Variants in LAP3 observed in about 807,000 individuals in gnomAD.
LAP3 encodes the protein cytosol aminopeptidase.
In LAP3, 46 loss-of-function variants were observed where a neutral mutation model predicts 58.8. The observed-to-expected ratio is 0.78, with a 90% CI of 0.62 to 1.00. The LOEUF (loss-of-function observed/expected upper bound fraction) is 1.00, where lower values mean the gene tolerates loss of function less well. Among genes scored for constraint, LAP3 ranks in the 50% least tolerant of loss-of-function variants. LAP3 has a pLI of 0.00. For missense variants in LAP3, 615 were observed against 659.1 expected (o/e 0.93, Z 0.73); for synonymous variants, 257 against 237.7 (o/e 1.08, Z -0.75).
At position 17,604,461 on chromosome 4, in the gene LAP3, A is replaced by G; in HGVS notation, c.1181-127A>G. The G allele has an allele frequency of 4.5e-6, 3 of 659,772 alleles. No homozygotes were observed. The South Asian group carries it at 5.7e-5, about 13-fold the overall frequency. The allele number at this position is 659,772 out of a possible 1,614,324, so 40.9% of individuals were successfully genotyped here. On this transcript the variant is annotated intron_variant, in intron 10 of 12. Coordinates refer to ENST00000226299, the MANE Select transcript of LAP3 (RefSeq NM_015907.3). Reference sequence around the variant, plus strand: ...AAGTATGTACAGGAAAGATTTCCTAAGCTTATCTATTTTTGAAAATGAGGA... The same window carrying G: ...AAGTATGTACAGGAAAGATTTCCTAGGCTTATCTATTTTTGAAAATGAGGA...
At chr4:17,588,489 G>T (rs1451485626) in intron 6 of LAP3, among the ~76,000 whole-genome samples, 2 of 152,174 alleles carry the variant, frequency 1.3e-5, no homozygotes, top group African/African-American at 4.8e-5. Context: ...TATCTGAGTA[G>T]ATTGGAGAGA....
intron 1 of LAP3, among the ~76,000 whole-genome samples, chr4:17,578,520 C>T (rs2109016694): frequency 7.2e-6 from 1 of 139,714 alleles, no homozygotes; most frequent in South Asian, 2.3e-4. Context: ...GGCGGGAAGA[C>T]ATCTGGATTC....
Position 17,607,593 on chromosome 4 carries a change from A to G in LAP3, c.*4A>G. 2 of 1,597,474 alleles carry G rather than the reference A, an allele frequency of 1.3e-6. No individual in the cohort carries two copies. Among genetic ancestry groups the G allele is most frequent in the Non-Finnish European group, 1.7e-6 (2 of 1,172,722 alleles). Reference sequence around the variant, plus strand: ...TTTCAGTCAAGACAATGCTTAGTTCAGATACTCAAAAATGTCTTCACTCTG... The same window carrying G: ...TTTCAGTCAAGACAATGCTTAGTTCGGATACTCAAAAATGTCTTCACTCTG... On this transcript the variant is annotated 3_prime_UTR_variant, in exon 13 of 13. Coordinates refer to ENST00000226299, the MANE Select transcript of LAP3 (RefSeq NM_015907.3).
chr4:17,594,303 G>T (rs936070698), intron 7 of LAP3, among the ~76,000 whole-genome samples: 6 of 152,174 alleles, frequency 3.9e-5, no homozygotes, highest in Admixed American at 3.3e-4. Flanking sequence ...TGTCCATGGG[G>T]TTTACCCATG....
chr4:17,596,216 A>G (rs1713825917), intron 8 of LAP3, among the ~76,000 whole-genome samples: 1 of 152,196 alleles, frequency 6.6e-6, no homozygotes. Context: ...GTCCTCTAAG[A>G]AAAAGGACAT....
At position 17,577,292 on chromosome 4, in the gene LAP3, A is replaced by G; in HGVS notation, c.-174A>G. ...AACCGCGGTTTGATCCCAGCGGTCC[A>G]GTCGGCCGGTGCTGCCCATCCGTCC... is the stretch of plus-strand genomic sequence containing the variant. On this transcript the variant is annotated 5_prime_UTR_variant, in exon 1 of 13. Coordinates refer to ENST00000226299, the MANE Select transcript of LAP3 (RefSeq NM_015907.3). The G allele has an allele frequency of 7.4e-6, 1 of 135,558 alleles. No homozygotes were observed. The highest frequency in any genetic ancestry group is 1.3e-5 in the Non-Finnish European group (1 of 78,350). The allele number at this position is 135,558 out of a possible 1,614,324, so 8.4% of individuals were successfully genotyped here.
intron 8 of LAP3, among the ~76,000 whole-genome samples, chr4:17,596,420 A>G (rs1378335418): frequency 6.6e-6 from 1 of 151,620 alleles, no homozygotes; most frequent in African/African-American, 2.4e-5. Context: ...GCTCACCACA[A>G]CCTCCACCTC....
At chr4:17,593,648 G>T (rs1292863228) in intron 7 of LAP3, among the ~76,000 whole-genome samples, 2 of 106,678 alleles carry the variant, frequency 1.9e-5, no homozygotes, top group Non-Finnish European at 3.4e-5. Flanking sequence ...GTCTCACTCT[G>T]TTGCCCAGGC....
At chr4:17,587,375 C>T (rs1461398534) in intron 6 of LAP3, 1 of 151,908 alleles carries the variant, frequency 6.6e-6, no homozygotes, top group Non-Finnish European at 1.5e-5. Flanking sequence ...AATCAGACAT[C>T]AAGTACTGAG....
chr4:17,595,683 A>G, intron 8 of LAP3, 149 bp downstream of exon 8: 1 of 923,484 alleles, frequency 1.1e-6, no homozygotes, highest in Non-Finnish European at 1.6e-6. Flanking sequence ...AGCCCAGATA[A>G]GTGTTTTACT....
intron 10 of LAP3, among the ~76,000 whole-genome samples, chr4:17,602,318 C>T (rs1714000570): frequency 6.6e-6 from 1 of 152,108 alleles, no homozygotes; most frequent in Admixed American, 6.5e-5. Flanking sequence ...ACAGATGGGC[C>T]AGGCAAATAA....
intron 11 of LAP3, 92 bp from the exon 12 acceptor site, chr4:17,606,737 C>A: frequency 1.4e-6 from 1 of 731,044 alleles, no homozygotes; most frequent in Non-Finnish European, 2.3e-6. Context: ...CAGGTTAGAA[C>A]AACTCTTCCT....
At chr4:17,590,641 G>A (rs778645192) in intron 7 of LAP3, among the ~76,000 whole-genome samples, 1 of 151,168 alleles carries the variant, frequency 6.6e-6, no homozygotes, top group Non-Finnish European at 1.5e-5. Flanking sequence ...GCGTAATCTC[G>A]GCTCACTGCA....
chr4:17,582,402 A>T lies in LAP3; in HGVS notation c.379+9A>T, dbSNP rs927450719. On this transcript the variant is annotated intron_variant, in intron 4 of 12. Coordinates refer to ENST00000226299, the MANE Select transcript of LAP3 (RefSeq NM_015907.3). ...CAGAGCTGCTGTTGCAGGTTATTTCACTTTTTAAGTTTAAAGAATCCTGAG... is the reference window on the plus strand; with the variant it reads ...CAGAGCTGCTGTTGCAGGTTATTTCTCTTTTTAAGTTTAAAGAATCCTGAG... 24 of 1,602,444 alleles carry T rather than the reference A, an allele frequency of 1.5e-5. No individual in the cohort carries two copies. Among genetic ancestry groups the T allele is most frequent in the Non-Finnish European group, 2.0e-5 (24 of 1,172,226 alleles).
rs1195039672 is a variant in LAP3, at chr4:17,585,115, G to A, written c.683G>A (p.Ser228Asn). The stretch of plus-strand genomic sequence containing the variant: ...GAGAAGAATCTCAAAAGTGCTAGTA[G>A]TAAAACCGAGGTCCATATCAGGTAA... ...IIEKNLKSASSKTEVHIRPKS... is the reference protein window; with the variant it reads ...IIEKNLKSASNKTEVHIRPKS... Residue 228 changes from serine (S) to asparagine (N), a missense_variant, in exon 6 of 13, where the codon AGT becomes AAT. By Grantham distance (46) the Ser-to-Asn change is conservative (BLOSUM62 1). Transcript: ENST00000226299. The A allele has an allele frequency of 1.9e-6, 3 of 1,613,642 alleles. No individual in the cohort carries two copies. The highest frequency in any genetic ancestry group is 2.5e-6 in the Non-Finnish European group (3 of 1,179,652).
Position 17,579,817 on chromosome 4 carries a change from T to G in LAP3, c.103-7T>G. ...CTATTATATTTACGTTTTTTGCTTA[T>G]TCCCAGGGCCTTGTTTTAGGAATCT... is the stretch of plus-strand genomic sequence containing the variant. On this transcript the variant is annotated splice_polypyrimidine_tract_variant and splice_region_variant and intron_variant, in intron 1 of 12. Coordinates refer to ENST00000226299, the MANE Select transcript of LAP3 (RefSeq NM_015907.3). 1 of 1,562,646 alleles carries G rather than the reference T, an allele frequency of 6.4e-7. No individual in the cohort carries two copies. The highest frequency in any genetic ancestry group is 1.1e-5 in the South Asian group (1 of 88,794).
rs1265356829 is a variant in LAP3, at chr4:17,591,381, T to TTTG, written c.863+2404_863+2405insTTG. ...TCGTCTCAAACTCCTGATCTCGTGA[T>TTTG]CCCCCCACCTTGGCCTCCCAAAGTG... On this transcript the variant is annotated intron_variant, in intron 7 of 12. Transcript: ENST00000226299. 2.0e-5 allele frequency among the ~76,000 whole-genome samples: 3 copies of TTTG among 151,960 alleles called. No homozygotes were observed. In the East Asian group the frequency reaches 5.8e-4, roughly 30 times the overall value.
chr4:17,586,991 A>G (rs1051303180), intron 6 of LAP3, among the ~76,000 whole-genome samples: 2 of 152,182 alleles, frequency 1.3e-5, no homozygotes, highest in African/African-American at 4.8e-5. Flanking sequence ...CTGTGATCCC[A>G]GCTACTCGGG....
At chr4:17,577,713 G>C (rs1713245956) in intron 1 of LAP3, 146 bp downstream of exon 1, 1 of 641,084 alleles carries the variant, frequency 1.6e-6, no homozygotes, top group Non-Finnish European at 2.6e-6. Context: ...TCTCCTTGCG[G>C]GGATCGGCCT....
Sources: gnomAD v4.1 joint callset for allele counts (sites outside exome capture counted in the v4.1 genomes callset) on GRCh38, gnomAD v4.1.1 for gene constraint, MANE v1.5 for transcripts, NCBI Gene and HGNC (gene_info 2026-07-23, HGNC 2026-07-21) for gene names.